Variants in CTNNA3 observed in about 807,000 individuals in gnomAD.
The protein encoded by CTNNA3 is catenin alpha-3.
CTNNA3 carries 76 observed loss-of-function variants against 95.7 expected under a neutral mutation model. The ratio of observed to expected loss-of-function variants is 0.79; its 90% CI spans 0.66 to 0.96. CTNNA3 has a LOEUF of 0.96. Ranked by LOEUF, CTNNA3 falls within the 40% of genes least tolerant of loss-of-function variation. The probability of loss-of-function intolerance (pLI) is 0.00; values close to 1 mark genes in which losing one functional copy is unlikely to be tolerated. For missense variants in CTNNA3, 1,191 were observed against 1,089.8 expected (o/e 1.09, Z -1.31); for synonymous variants, 431 against 374.4 (o/e 1.15, Z -1.74).
chr10:67,352,477 C>T (rs1304241120), intron 5 of CTNNA3, among the ~76,000 whole-genome samples: 2 of 151,708 alleles, frequency 1.3e-5, no homozygotes, highest in Admixed American at 6.6e-5. Context: ...TGGAAAAGTT[C>T]CAAGTAGTAT....
intron 13 of CTNNA3, among the ~76,000 whole-genome samples, chr10:66,120,682 C>T (rs1233497129): frequency 1.3e-5 from 2 of 152,118 alleles, no homozygotes; most frequent in African/African-American, 2.4e-5. Flanking sequence ...TGCTTTTTTA[C>T]TTTCACTCAC....
chr10:65,956,258 A>G (rs1006143923), intron 17 of CTNNA3, among the ~76,000 whole-genome samples: 7 of 151,960 alleles, frequency 4.6e-5, no homozygotes, highest in African/African-American at 9.6e-5. Flanking sequence ...TTTTTATTGC[A>G]TCTATTTGAT....
intron 2 of CTNNA3, among the ~76,000 whole-genome samples, chr10:67,627,355 A>C (rs148418121): frequency 4.8e-4 from 73 of 152,334 alleles, no homozygotes; most frequent in African/African-American, 1.7e-3. Flanking sequence ...CTCAGAACCC[A>C]GGACAACTAG....
chr10:66,333,406 C>T (rs897146715), intron 12 of CTNNA3, among the ~76,000 whole-genome samples: 3 of 151,922 alleles, frequency 2.0e-5, no homozygotes, highest in African/African-American at 7.2e-5. Flanking sequence ...TTGAATGTGT[C>T]CCAGAGATTC....
rs562723744 is a variant in CTNNA3, at chr10:67,684,441, T to A, written c.-6+11559A>T. Among the ~76,000 whole-genome samples the A allele has an allele frequency of 1.5e-4, 23 of 152,212 alleles. No homozygotes were observed. The South Asian group carries it at 4.8e-3, about 32-fold the overall frequency. On this transcript the variant is annotated intron_variant, in intron 1 of 17. Coordinates refer to ENST00000433211, the MANE Select transcript of CTNNA3 (RefSeq NM_013266.4). ...TAGACACAGAGTGCTGACTGATGCGTTTACAACCTTTAGCTAGACAGAAAA... is the reference window on the plus strand; with the variant it reads ...TAGACACAGAGTGCTGACTGATGCGATTACAACCTTTAGCTAGACAGAAAA...
chr10:66,595,908 G>A (rs1024218499), intron 10 of CTNNA3, among the ~76,000 whole-genome samples: 12 of 151,882 alleles, frequency 7.9e-5, no homozygotes, highest in African/African-American at 2.7e-4. Flanking sequence ...AGTCATCCTC[G>A]ACTTCCCAAA....
At chr10:65,977,390 A>C (rs1486801106) in intron 16 of CTNNA3, among the ~76,000 whole-genome samples, 1 of 152,172 alleles carries the variant, frequency 6.6e-6, no homozygotes, top group Non-Finnish European at 1.5e-5. Flanking sequence ...TTTAAATTTC[A>C]GGGGTGAATT....
At chr10:67,562,431 T>C (rs1359519396) in intron 3 of CTNNA3, among the ~76,000 whole-genome samples, 2 of 152,094 alleles carry the variant, frequency 1.3e-5, no homozygotes, top group African/African-American at 4.8e-5. Flanking sequence ...TTTCACAAAA[T>C]TCAACAACCC....
intron 1 of CTNNA3, among the ~76,000 whole-genome samples, chr10:67,694,582 G>T (rs116725277): frequency 2.0e-5 from 3 of 152,018 alleles, no homozygotes; most frequent in African/African-American, 7.2e-5. Flanking sequence ...TAGATGTTCA[G>T]CAATGATTAA....
At chr10:66,331,206 C>T (rs895407477) in intron 12 of CTNNA3, among the ~76,000 whole-genome samples, 1 of 151,752 alleles carries the variant, frequency 6.6e-6, no homozygotes, top group African/African-American at 2.4e-5. Context: ...TTAGGTCTAA[C>T]GTTTAAGTTT....
intron 11 of CTNNA3, among the ~76,000 whole-genome samples, chr10:66,420,765 C>G (rs1042691450): frequency 6.6e-6 from 1 of 151,014 alleles, no homozygotes; most frequent in Non-Finnish European, 1.5e-5. Flanking sequence ...TGCCACTGCA[C>G]TCCAGCCTGG....
At chr10:66,848,535 C>T (rs1418585281) in intron 7 of CTNNA3, among the ~76,000 whole-genome samples, 1 of 152,172 alleles carries the variant, frequency 6.6e-6, no homozygotes, top group Non-Finnish European at 1.5e-5. Context: ...ATCCCAAACT[C>T]TCCCAGTGGC....
intron 2 of CTNNA3, among the ~76,000 whole-genome samples, chr10:67,645,789 C>T (rs531070839): frequency 1.2e-3 from 175 of 151,712 alleles, no homozygotes; most frequent in African/African-American, 4.0e-3. Context: ...AACTGTAGTG[C>T]AGCCATATCA....
intron 13 of CTNNA3, among the ~76,000 whole-genome samples, chr10:66,279,548 T>A (rs865851678): frequency 2.0e-5 from 3 of 151,952 alleles, no homozygotes; most frequent in African/African-American, 7.2e-5. Context: ...AAATATCCAG[T>A]TTGTTCATGT....
chr10:67,446,696 A>G (rs116742902), intron 5 of CTNNA3, among the ~76,000 whole-genome samples: 18 of 152,270 alleles, frequency 1.2e-4, no homozygotes, highest in Non-Finnish European at 1.5e-4. Context: ...TCTTTCTCAA[A>G]AACCTTGGAG....
intron 5 of CTNNA3, among the ~76,000 whole-genome samples, chr10:67,427,764 G>A (rs945316946): frequency 1.3e-5 from 2 of 152,036 alleles, no homozygotes; most frequent in African/African-American, 4.8e-5. Context: ...TCCCAGCTGA[G>A]CTTTGACACC....
intron 7 of CTNNA3, among the ~76,000 whole-genome samples, chr10:66,901,264 T>C (rs1328320065): frequency 6.6e-6 from 1 of 152,192 alleles, no homozygotes. Flanking sequence ...GAATTTCATA[T>C]CAAGACAAAC....
intron 5 of CTNNA3, among the ~76,000 whole-genome samples, chr10:67,268,366 TAAAA>T (rs1866918631): frequency 7.2e-6 from 1 of 139,824 alleles, no homozygotes; most frequent in African/African-American, 2.8e-5. Context: ...AATAAATAAA[TAAAA>T]AATCAGCCGT....
At chr10:66,208,360 T>A (rs2087902015) in intron 13 of CTNNA3, among the ~76,000 whole-genome samples, 1 of 152,156 alleles carries the variant, frequency 6.6e-6, no homozygotes, top group South Asian at 2.1e-4. Flanking sequence ...CTCAGATGAT[T>A]TTAGCATCAT....
Sources: gnomAD v4.1 joint callset for allele counts (sites outside exome capture counted in the v4.1 genomes callset) on GRCh38, gnomAD v4.1.1 for gene constraint, MANE v1.5 for transcripts, NCBI Gene and HGNC (gene_info 2026-07-23, HGNC 2026-07-21) for gene names.